Variants in CCDC83 observed in about 807,000 individuals in gnomAD.
CCDC83 encodes coiled-coil domain containing 83, also known as coiled-coil domain-containing protein 83.
CCDC83 carries 54 observed loss-of-function variants against 50.1 expected under a neutral mutation model. The ratio of observed to expected loss-of-function variants is 1.08; its 90% CI spans 0.87 to 1.35. The LOEUF (loss-of-function observed/expected upper bound fraction) is 1.35, where lower values mean the gene tolerates loss of function less well. Ranked by LOEUF, CCDC83 falls within the 40% of genes most tolerant of loss-of-function variation. The pLI is 0.00. For missense variants in CCDC83, 518 were observed against 473.9 expected (o/e 1.09, Z -0.86); for synonymous variants, 161 against 153.3 (o/e 1.05, Z -0.37).
chr11:85,870,648 C>T (rs1354893144), intron 2 of CCDC83, among the ~76,000 whole-genome samples: 1 of 151,860 alleles, frequency 6.6e-6, no homozygotes, highest in East Asian at 1.9e-4. Flanking sequence ...GAGTTCAAGC[C>T]CAGCCTGGGC....
At chr11:85,906,212 C>A (rs1163426256) in intron 7 of CCDC83, among the ~76,000 whole-genome samples, 1 of 151,608 alleles carries the variant, frequency 6.6e-6, no homozygotes, top group African/African-American at 2.4e-5. Context: ...ATTACAGCTG[C>A]CCACCACCAC....
Position 85,915,479 on chromosome 11 carries a change from A to G in CCDC83, c.855A>G (p.Glu285=), listed in dbSNP as rs765621000. The change falls in exon 9 of 11, where the codon GAA becomes GAG. Residue 285 remains glutamate (E), a synonymous_variant. Transcript: ENST00000342404. ...LEVPPEEMSL[E]LPETHIEEKS... ...TGCCACCTGAAGAAATGTCTTTGGAATTGCCAGAAACACATATAGGTATTA... is the reference window on the plus strand; with the variant it reads ...TGCCACCTGAAGAAATGTCTTTGGAGTTGCCAGAAACACATATAGGTATTA... The G allele has an allele frequency of 1.2e-6, 2 of 1,612,284 alleles. No homozygotes were observed. The highest frequency in any genetic ancestry group is 2.2e-5 in the South Asian group (2 of 90,908).
At chr11:85,863,379 C>G (rs188889089) in intron 1 of CCDC83, among the ~76,000 whole-genome samples, 25 of 152,070 alleles carry the variant, frequency 1.6e-4, no homozygotes, top group African/African-American at 6.0e-4. Flanking sequence ...CATGATGACA[C>G]CTTTTGGTGG....
chr11:85,883,017 A>G (rs981428016), intron 4 of CCDC83, among the ~76,000 whole-genome samples: 3 of 152,182 alleles, frequency 2.0e-5, no homozygotes, highest in Non-Finnish European at 2.9e-5. Context: ...TCCTGGGCTC[A>G]TGCAGTCCTC....
At chr11:85,858,399 G>A (rs987372866) in intron 1 of CCDC83, among the ~76,000 whole-genome samples, 4 of 152,116 alleles carry the variant, frequency 2.6e-5, no homozygotes, top group African/African-American at 9.7e-5. Context: ...CCTGCCCTTC[G>A]CCTTCCAACT....
At chr11:85,895,264 C>CTTATTTTTTTTT in intron 5 of CCDC83, 29 bp from the exon 6 acceptor site, 1 of 361,198 alleles carries the variant, frequency 2.8e-6, no homozygotes. Flanking sequence ...TTTTAATTTT[C>CTTATTTTTTTTT]TTTTTTTTTT....
chr11:85,870,143 A>G (rs115862547), intron 2 of CCDC83, among the ~76,000 whole-genome samples: 1,639 of 152,366 alleles, frequency 0.011, 19 homozygotes, highest in African/African-American at 0.036. Flanking sequence ...ACGATGCCCA[A>G]TTAAATATGA....
At chr11:85,862,802 A>C (rs371673539) in intron 1 of CCDC83, among the ~76,000 whole-genome samples, 2 of 152,206 alleles carry the variant, frequency 1.3e-5, no homozygotes, top group East Asian at 3.8e-4. Context: ...ATAGATGTTG[A>C]GGTACTATCA....
At chr11:85,862,208 C>A (rs756453213) in intron 1 of CCDC83, among the ~76,000 whole-genome samples, 1 of 151,774 alleles carries the variant, frequency 6.6e-6, no homozygotes, top group East Asian at 1.9e-4. Context: ...CACTGAGAGG[C>A]GTTTGGGAAA....
chr11:85,899,056 A>AT (rs1565150374), intron 7 of CCDC83, 41 bp downstream of exon 7: 5 of 1,455,452 alleles, frequency 3.4e-6, no homozygotes, highest in Non-Finnish European at 4.8e-6. Context: ...CTTCGTTCTC[A>AT]TTTTTTTAAG....
At chr11:85,909,624 T>TTTTTTTTTTTTTTG (rs2093443656) in intron 7 of CCDC83, among the ~76,000 whole-genome samples, 1 of 133,650 alleles carries the variant, frequency 7.5e-6, no homozygotes, top group Non-Finnish European at 1.6e-5. Flanking sequence ...TTTTTTTTTT[T>TTTTTTTTTTTTTTG]TTTTTTTTTT....
At chr11:85,919,082 A>G (rs1419629349) in intron 10 of CCDC83, among the ~76,000 whole-genome samples, 7 of 152,322 alleles carry the variant, frequency 4.6e-5, no homozygotes, top group African/African-American at 1.2e-4. Context: ...TTAACCCACT[A>G]TGAGACAAGC....
intron 7 of CCDC83, among the ~76,000 whole-genome samples, chr11:85,900,155 T>C (rs1204179325): frequency 1.3e-5 from 2 of 152,156 alleles, no homozygotes; most frequent in Non-Finnish European, 2.9e-5. Context: ...GTGTGTGCTA[T>C]AGATGGTGGG....
At chr11:85,919,080 C>T (rs11821654) in intron 10 of CCDC83, among the ~76,000 whole-genome samples, 17,200 of 152,232 alleles carry the variant, frequency 0.11, 1,053 homozygotes, top group Admixed American at 0.15. Flanking sequence ...CATTAACCCA[C>T]TATGAGACAA....
intron 3 of CCDC83, among the ~76,000 whole-genome samples, chr11:85,875,083 C>A (rs1245193994): frequency 6.6e-6 from 1 of 152,180 alleles, no homozygotes; most frequent in East Asian, 1.9e-4. Flanking sequence ...GGTGGTCCCC[C>A]TACCCAAAGG....
chr11:85,913,915 A>G (rs185072388), intron 8 of CCDC83, among the ~76,000 whole-genome samples: 28 of 152,362 alleles, frequency 1.8e-4, no homozygotes, highest in African/African-American at 6.0e-4. Flanking sequence ...GTAGTAGTAC[A>G]GAAGTAACAG....
chr11:85,878,661 G>T (rs2093281883), intron 3 of CCDC83, among the ~76,000 whole-genome samples: 1 of 152,156 alleles, frequency 6.6e-6, no homozygotes, highest in Non-Finnish European at 1.5e-5. Context: ...GTATTTTTAA[G>T]AACAAAAGTT....
At position 85,919,807 on chromosome 11, in the gene CCDC83, C is replaced by T; in HGVS notation, c.*297C>T. On this transcript the variant is annotated 3_prime_UTR_variant, in exon 11 of 11. Transcript: ENST00000342404. ...ACACACAAAAAATTCACTGATTAATCTGTGATTCCAGTATGAAATAGTTCC... is the reference window on the plus strand; with the variant it reads ...ACACACAAAAAATTCACTGATTAATTTGTGATTCCAGTATGAAATAGTTCC... The T allele has an allele frequency of 3.5e-6, 1 of 283,966 alleles. No individual in the cohort carries two copies. The highest frequency in any genetic ancestry group is 2.2e-5 in the African/African-American group (1 of 44,538). 17.6% of individuals were successfully genotyped at this position (283,966 alleles called of 1,614,324 possible).
At chr11:85,869,935 G>A (rs762774038) in intron 2 of CCDC83, among the ~76,000 whole-genome samples, 20 of 152,152 alleles carry the variant, frequency 1.3e-4, no homozygotes, top group Admixed American at 9.2e-4. Flanking sequence ...CTCCACAAGC[G>A]GGCCAGTGAA....
Sources: allele counts gnomAD v4.1 joint callset (sites outside exome capture counted in the v4.1 genomes callset), GRCh38; gene constraint gnomAD v4.1.1; transcripts MANE v1.5; gene names NCBI Gene and HGNC (gene_info 2026-07-23, HGNC 2026-07-21).